ZFP64: variants seen among roughly 807,000 people sequenced by gnomAD.
The protein encoded by ZFP64 is zinc finger protein 64.
A neutral mutation model predicts 51.6 loss-of-function variants in ZFP64; 14 were observed. The ratio of observed to expected loss-of-function variants is 0.27; its 90% CI spans 0.18 to 0.42. The LOEUF is 0.42. ZFP64 is among the 10% of genes least tolerant of loss of function. The pLI is 1.00. For missense variants in ZFP64, 754 were observed against 906.8 expected (o/e 0.83, Z 2.16); for synonymous variants, 375 against 361.4 (o/e 1.04, Z -0.43).
rs200816592 is a variant in ZFP64, at chr20:52,098,400, G to A, written c.913+38C>T. ...CGTAGGGCTTGCAGATCAGTGCTTG[G>A]CTCAGAAGCGGCTCAGCACGCAGGG... is the stretch of plus-strand genomic sequence containing the variant. On this transcript the variant is annotated intron_variant, in intron 6 of 8. Transcript: ENST00000361387. 2,595 of 1,610,174 alleles carry A rather than the reference G, an allele frequency of 1.6e-3. 3 individuals are homozygous for A. The highest frequency in any genetic ancestry group is 1.9e-3 in the Non-Finnish European group (2,290 of 1,177,868).
At chr20:52,097,674 G>T (rs1238825112) in intron 6 of ZFP64, among the ~76,000 whole-genome samples, 2 of 151,964 alleles carry the variant, frequency 1.3e-5, no homozygotes, top group South Asian at 2.1e-4. Context: ...AGGCTGGTCT[G>T]GTCTCAAACT....
downstream of ZFP64, among the ~76,000 whole-genome samples, chr20:52,147,107 T>G (rs1371090633): frequency 2.0e-5 from 3 of 152,226 alleles, no homozygotes; most frequent in Admixed American, 6.5e-5. Flanking sequence ...AGAATGACTA[T>G]GAAAATATTA....
At chr20:52,115,314 T>TA (rs759270194) in intron 5 of ZFP64, among the ~76,000 whole-genome samples, 4 of 150,866 alleles carry the variant, frequency 2.7e-5, no homozygotes, top group Non-Finnish European at 5.9e-5. Context: ...TATATAGATC[T>TA]AAACACATAT....
intron 5 of ZFP64, chr20:52,111,196 AATT>A: frequency 7.5e-6 from 4 of 532,908 alleles, no homozygotes; most frequent in Admixed American, 3.8e-5. Flanking sequence ...GTCAGCGGTC[AATT>A]TTTTTTTTTT....
intron 5 of ZFP64, chr20:52,098,653 A>G: frequency 1.2e-6 from 2 of 1,601,462 alleles, no homozygotes; most frequent in Non-Finnish European, 1.7e-6. Flanking sequence ...CTTAGAATAC[A>G]GTAGGTTTGG....
chr20:52,119,255 G>A (rs1039014559), intron 5 of ZFP64, among the ~76,000 whole-genome samples: 9 of 151,844 alleles, frequency 5.9e-5, no homozygotes, highest in Non-Finnish European at 1.0e-4. Context: ...GGTGGTTCAC[G>A]CCTGTAATCC....
intron 1 of ZFP64, among the ~76,000 whole-genome samples, chr20:52,188,402 C>T (rs1464757352): frequency 6.9e-6 from 1 of 145,098 alleles, no homozygotes; most frequent in African/African-American, 2.5e-5. Context: ...GCAAGCTCTG[C>T]CTCCCGGGTT....
chr20:52,166,451 CT>C (rs1300119408), intron 2 of ZFP64, among the ~76,000 whole-genome samples: 1 of 151,370 alleles, frequency 6.6e-6, no homozygotes, highest in Non-Finnish European at 1.5e-5. Context: ...CAAATCTATA[CT>C]TTTTTCTTTT....
intron 5 of ZFP64, among the ~76,000 whole-genome samples, chr20:52,104,487 G>T (rs1461408332): frequency 2.6e-5 from 4 of 152,192 alleles, no homozygotes; most frequent in Non-Finnish European, 5.9e-5. Flanking sequence ...ACTTCGCTCA[G>T]ATAAAATGCA....
At chr20:52,115,616 T>C (rs574323173) in intron 5 of ZFP64, among the ~76,000 whole-genome samples, 2 of 151,884 alleles carry the variant, frequency 1.3e-5, no homozygotes, top group Non-Finnish European at 2.9e-5. Flanking sequence ...GGTTTCACCA[T>C]GTTGGCCAGG....
intron 5 of ZFP64, among the ~76,000 whole-genome samples, chr20:52,107,654 C>CAAA (rs1177980819): frequency 6.6e-6 from 1 of 152,040 alleles, no homozygotes; most frequent in Non-Finnish European, 1.5e-5. Context: ...CTTTTTTTCA[C>CAAA]TTAATATTAT....
intron 5 of ZFP64, among the ~76,000 whole-genome samples, chr20:52,105,965 CA>C (rs1427657444): frequency 3.7e-4 from 56 of 152,248 alleles, no homozygotes; most frequent in Non-Finnish European, 4.4e-5. Flanking sequence ...GCTGCATACC[CA>C]AATTTAAATT....
chr20:52,188,313 T>C lies in ZFP64; in HGVS notation c.47-1242A>G, dbSNP rs906836855. 2.4e-3 allele frequency among the ~76,000 whole-genome samples: 330 copies of C among 137,434 alleles called. 6 individuals carry two copies. Among genetic ancestry groups the C allele is most frequent in the East Asian group, 1.2e-3 (6 of 4,834 alleles). 90.2% of individuals were successfully genotyped at this position (137,434 alleles called of 152,430 possible). A position where few individuals can be genotyped will look rare whatever the true frequency, so the allele number is the denominator to read the frequency against. ...GACATTATTTCTTTTTCTTTCTTTT[T>C]TTTTTTTTTTTTTTTTTTTGAGACA... is the stretch of plus-strand genomic sequence containing the variant. On this transcript the variant is annotated intron_variant, in intron 1 of 5. Transcript: ENST00000216923.
At chr20:52,117,501 C>G (rs938247176) in intron 5 of ZFP64, among the ~76,000 whole-genome samples, 2 of 152,132 alleles carry the variant, frequency 1.3e-5, no homozygotes, top group Non-Finnish European at 2.9e-5. Flanking sequence ...CACCTGTAAT[C>G]CCAGCTACTC....
At chr20:52,146,577 T>G (rs1270906242), downstream of ZFP64, among the ~76,000 whole-genome samples, 4 of 88,380 alleles carry the variant, frequency 4.5e-5, no homozygotes, top group Admixed American at 1.6e-4. Context: ...TGGGGACTGT[T>G]GTGGGGTGGG....
At chr20:52,105,323 C>T (rs1301058678) in intron 5 of ZFP64, 3 of 1,252,746 alleles carry the variant, frequency 2.4e-6, no homozygotes, top group Middle Eastern at 2.0e-4. Flanking sequence ...TACCCCCCTT[C>T]GGCCGGAACG....
chr20:52,139,844 AGTT>A (rs1980166706), intron 5 of ZFP64, among the ~76,000 whole-genome samples: 1 of 135,354 alleles, frequency 7.4e-6, no homozygotes, highest in Non-Finnish European at 1.6e-5. Context: ...GCGGGCGCTG[AGTT>A]GTTTTTTTTT....
chr20:52,175,858 GC>G, intron 2 of ZFP64: 50 of 133,434 alleles, frequency 3.7e-4, no homozygotes, highest in South Asian at 5.9e-4. Flanking sequence ...CCGCACCCCC[GC>G]TGCCGCCCCC....
chr20:52,105,158 A>G (rs1978302153), intron 5 of ZFP64: 2 of 1,444,106 alleles, frequency 1.4e-6, no homozygotes, highest in Non-Finnish European at 9.0e-7. Flanking sequence ...CTGCGGGGCC[A>G]CCTCCGCACA....
Sources: allele counts gnomAD v4.1 joint callset (sites outside exome capture counted in the v4.1 genomes callset), GRCh38; gene constraint gnomAD v4.1.1; transcripts MANE v1.5; gene names NCBI Gene and HGNC (gene_info 2026-07-23, HGNC 2026-07-21).